MKX: variants seen among roughly 807,000 people sequenced by gnomAD.
MKX encodes the protein homeobox protein Mohawk.
A neutral mutation model predicts 36.0 loss-of-function variants in MKX; 13 were observed. That is an observed-to-expected ratio of 0.36 (90% confidence interval 0.24 to 0.57). MKX has a LOEUF of 0.57. MKX is among the 20% of genes least tolerant of loss of function. MKX has a pLI of 0.79. For missense variants in MKX, 458 were observed against 456.4 expected (o/e 1.00, Z -0.03); for synonymous variants, 176 against 178.3 (o/e 0.99, Z 0.10).
At chr10:27,697,733 C>G (rs1464880318) in intron 5 of MKX, among the ~76,000 whole-genome samples, 1 of 152,176 alleles carries the variant, frequency 6.6e-6, no homozygotes, top group African/African-American at 2.4e-5. Context: ...CCTCAAAATA[C>G]AAATTGCAAA....
At chr10:27,698,749 C>T (rs890011152) in intron 5 of MKX, among the ~76,000 whole-genome samples, 4 of 151,978 alleles carry the variant, frequency 2.6e-5, no homozygotes, top group African/African-American at 7.3e-5. Flanking sequence ...AAAAGAAAAC[C>T]GCGATGCGAA....
At chr10:27,715,569 T>C (rs191328444) in intron 5 of MKX, among the ~76,000 whole-genome samples, 373 of 152,314 alleles carry the variant, frequency 2.4e-3, no homozygotes, top group Non-Finnish European at 4.3e-3. Flanking sequence ...GATTTAGAAA[T>C]TCTGCCTTCA....
intron 5 of MKX, among the ~76,000 whole-genome samples, chr10:27,726,375 G>T (rs1381914864): frequency 6.6e-6 from 1 of 152,150 alleles, no homozygotes; most frequent in Non-Finnish European, 1.5e-5. Context: ...TGACAGTAAA[G>T]GTGGCATGCC....
At chr10:27,707,209 A>G (rs1047278682) in intron 5 of MKX, among the ~76,000 whole-genome samples, 1 of 147,744 alleles carries the variant, frequency 6.8e-6, no homozygotes, top group East Asian at 2.9e-4. Context: ...GGACTGCATT[A>G]TGACTTTCAT....
At position 27,734,637 on chromosome 10, in the gene MKX, C is replaced by T. The variant is rs761498565; in HGVS notation, c.657G>A (p.Lys219=). ...SEDYVAPPKY[K]SSLLNRYLND... ...TAAGGTAACGGTTCAACAAGCTGCT[C>T]TTGTATTTGGGGGGTGCCACGTAGT... Residue 219 remains lysine (K), a synonymous_variant, in exon 5 of 7, where the codon AAG becomes AAA. Coordinates refer to ENST00000419761, the MANE Select transcript of MKX (RefSeq NM_173576.3). 7 of 1,614,046 alleles carry T rather than the reference C, an allele frequency of 4.3e-6. No individual in the cohort carries two copies. Among genetic ancestry groups the T allele is most frequent in the African/African-American group, 4.0e-5 (3 of 74,922 alleles).
intron 5 of MKX, among the ~76,000 whole-genome samples, chr10:27,713,493 A>G (rs1295470039): frequency 6.6e-6 from 1 of 152,218 alleles, no homozygotes; most frequent in Non-Finnish European, 1.5e-5. Context: ...TGGAAAACAC[A>G]GTAAAATCAA....
At position 27,742,758 on chromosome 10, in the gene MKX, C is replaced by G. The variant is rs1834934230; in HGVS notation, c.188+470G>C. The stretch of plus-strand genomic sequence containing the variant: ...CTGGCGGGAGGCGACCTTCCCGACT[C>G]CTTGGGCCAGGCGAGCCGCGGGGCT... On this transcript the variant is annotated intron_variant, in intron 2 of 6. Coordinates refer to ENST00000419761, the MANE Select transcript of MKX (RefSeq NM_173576.3). This position sits in a 1 kb window ranked among gnomAD's most constrained non-coding sequence, Gnocchi z 4.2. 6.6e-6 allele frequency among the ~76,000 whole-genome samples: 1 copy of G among 152,116 alleles called. No individual in the cohort carries two copies. Among genetic ancestry groups the G allele is most frequent in the East Asian group, 1.9e-4 (1 of 5,136 alleles).
chr10:27,714,167 C>T (rs1004951095), intron 5 of MKX, among the ~76,000 whole-genome samples: 1 of 152,106 alleles, frequency 6.6e-6, no homozygotes, highest in African/African-American at 2.4e-5. Flanking sequence ...CTACAACATC[C>T]AGAAATTCAC....
At chr10:27,694,676 C>G (rs1297425657) in intron 5 of MKX, among the ~76,000 whole-genome samples, 1 of 125,618 alleles carries the variant, frequency 8.0e-6, no homozygotes, top group African/African-American at 3.0e-5. Context: ...GCCTGGGCGA[C>G]AGAGCGAGAC....
intron 5 of MKX, among the ~76,000 whole-genome samples, chr10:27,708,816 A>G (rs968962853): frequency 1.3e-5 from 2 of 152,184 alleles, no homozygotes; most frequent in Non-Finnish European, 1.5e-5. Flanking sequence ...CCATGTCTGC[A>G]TCTGCAGATC....
chr10:27,701,626 TA>T (rs1329090746), intron 5 of MKX, among the ~76,000 whole-genome samples: 1 of 145,058 alleles, frequency 6.9e-6, no homozygotes, highest in East Asian at 1.9e-4. Flanking sequence ...AATATTAAAA[TA>T]ATAATATATT....
intron 5 of MKX, among the ~76,000 whole-genome samples, chr10:27,690,392 A>AAAAC (rs1836432997): frequency 6.6e-6 from 1 of 152,032 alleles, no homozygotes; most frequent in South Asian, 2.1e-4. Flanking sequence ...AAAACAAAAC[A>AAAAC]AAACAAAAAC....
chr10:27,708,740 A>AT (rs146833457), intron 5 of MKX, among the ~76,000 whole-genome samples: 31,057 of 150,166 alleles, frequency 0.21, 4,167 homozygotes, highest in East Asian at 0.49. Flanking sequence ...AAAAAAAAAA[A>AT]CGACTATTGC....
At chr10:27,681,456 CAAACA>C (rs1302904617) in intron 5 of MKX, among the ~76,000 whole-genome samples, 1 of 150,608 alleles carries the variant, frequency 6.6e-6, no homozygotes, top group Non-Finnish European at 1.5e-5. Context: ...GCAAAACAAA[CAAACA>C]AACAAACAAA....
intron 5 of MKX, among the ~76,000 whole-genome samples, chr10:27,704,114 C>G (rs1361334275): frequency 6.6e-5 from 10 of 151,964 alleles, no homozygotes; most frequent in Admixed American, 6.6e-4. Flanking sequence ...ATAAAACAAA[C>G]AGATAAAATG....
intron 5 of MKX, among the ~76,000 whole-genome samples, chr10:27,731,133 CAA>C (rs752968438): frequency 2.0e-4 from 14 of 68,730 alleles, no homozygotes; most frequent in Admixed American, 4.6e-4. Flanking sequence ...GACTCCATCT[CAA>C]AAAAAAAAAA....
At chr10:27,720,555 C>A (rs556865871) in intron 5 of MKX, among the ~76,000 whole-genome samples, 1 of 152,162 alleles carries the variant, frequency 6.6e-6, no homozygotes, top group East Asian at 1.9e-4. Context: ...ACTATAGATA[C>A]AGCAGTTTGT....
chr10:27,725,977 GA>G (rs1023391972), intron 5 of MKX, among the ~76,000 whole-genome samples: 3 of 152,142 alleles, frequency 2.0e-5, no homozygotes, highest in Non-Finnish European at 4.4e-5. Flanking sequence ...TAGGGAATGA[GA>G]AAGTCTCTTA....
At chr10:27,694,694 C>CAAAA (rs59324478) in intron 5 of MKX, among the ~76,000 whole-genome samples, 3 of 114,470 alleles carry the variant, frequency 2.6e-5, no homozygotes, top group South Asian at 3.1e-4. Flanking sequence ...GACTCTGTCT[C>CAAAA]AAAAAAAAAA....
Sources: allele counts gnomAD v4.1 joint callset (sites outside exome capture counted in the v4.1 genomes callset), GRCh38; gene constraint gnomAD v4.1.1; non-coding constraint Gnocchi (gnomAD v3.1); transcripts MANE v1.5; gene names NCBI Gene and HGNC (gene_info 2026-07-23, HGNC 2026-07-21).